The following HTR2B variants were observed in gnomAD, a reference collection of about 807,000 sequenced individuals.
The protein encoded by HTR2B is 5-HT 2B receptor.
A neutral mutation model predicts 39.8 loss-of-function variants in HTR2B; 31 were observed. That is an observed-to-expected ratio of 0.78 (90% CI 0.58 to 1.05). HTR2B has a LOEUF of 1.05. Ranked by LOEUF, HTR2B falls within the 50% of genes least tolerant of loss-of-function variation. The pLI is 0.00. For missense variants in HTR2B, 562 were observed against 578.0 expected (o/e 0.97, Z 0.28); for synonymous variants, 210 against 207.1 (o/e 1.01, Z -0.12).
At chr2:231,122,490 G>C (rs920255747) in intron 2 of HTR2B, among the ~76,000 whole-genome samples, 6 of 151,980 alleles carry the variant, frequency 3.9e-5, no homozygotes, top group Non-Finnish European at 8.8e-5. Flanking sequence ...TAATCATTTT[G>C]CTTAGGCAGT....
Position 231,108,884 on chromosome 2 carries a change from A to G in HTR2B, c.1079T>C (p.Met360Thr), listed in dbSNP as rs1358767554. The G allele has an allele frequency of 6.2e-7, 1 of 1,614,076 alleles. No individual in the cohort carries two copies. The highest frequency in any genetic ancestry group is 8.5e-7 in the Non-Finnish European group (1 of 1,179,954). The change falls in exon 4 of 4, where the codon ATG (methionine) becomes ACG (threonine). Residue 360 changes from methionine (M) to threonine (T), a missense_variant. Met to Thr is a moderately conservative substitution (Grantham distance 81). Transcript: ENST00000258400. ...CDSCNQTTLQ[M>T]LLEIFVWIGY... is the part of the protein sequence containing the mutation. ...TATCCACACAAATATCTCCAGGAGC[A>G]TTTGGAGAGTAGTTTGGTTACAGGA... is the stretch of plus-strand genomic sequence containing the variant.
At chr2:231,113,049 A>G (rs2125212763) in intron 3 of HTR2B, among the ~76,000 whole-genome samples, 1 of 152,228 alleles carries the variant, frequency 6.6e-6, no homozygotes, top group South Asian at 2.1e-4. Context: ...CTGTAGTCCC[A>G]GCTACCTGGG....
At chr2:231,109,672 G>C (rs1411525129) in intron 3 of HTR2B, among the ~76,000 whole-genome samples, 2 of 152,196 alleles carry the variant, frequency 1.3e-5, no homozygotes, top group African/African-American at 4.8e-5. Flanking sequence ...GTATATCCAT[G>C]ATACAGTGGA....
In HTR2B at chr2:231,113,933, A is replaced by G; in HGVS notation, c.353-4T>C. 1 of 1,612,654 alleles carries G rather than the reference A, an allele frequency of 6.2e-7. No homozygotes were observed. The highest frequency in any genetic ancestry group is 8.5e-7 in the Non-Finnish European group (1 of 1,178,714). ...AGTGGGAGGGGCCACATAGCCTCTG[A>G]AAGAAACAAAAACAAGACAAACATT... On this transcript the variant is annotated splice_polypyrimidine_tract_variant and splice_region_variant and intron_variant, in intron 2 of 3. Transcript: ENST00000258400.
At chr2:231,118,394 T>A (rs1054510382) in intron 2 of HTR2B, among the ~76,000 whole-genome samples, 2 of 152,176 alleles carry the variant, frequency 1.3e-5, no homozygotes, top group Non-Finnish European at 2.9e-5. Context: ...CTTAAAACTT[T>A]AAGCTGTACT....
intron 3 of HTR2B, 76 bp downstream of exon 3, chr2:231,113,653 C>G: frequency 7.7e-7 from 1 of 1,307,080 alleles, no homozygotes; most frequent in Non-Finnish European, 1.1e-6. Context: ...TCATTGCCTA[C>G]CAGACCTGGT....
intron 2 of HTR2B, among the ~76,000 whole-genome samples, chr2:231,116,180 A>G (rs568187539): frequency 1.3e-5 from 2 of 152,298 alleles, no homozygotes; most frequent in Non-Finnish European, 2.9e-5. Flanking sequence ...CCTTGGACAC[A>G]GGCAGCTTCA....
chr2:231,109,351 A>G lies in HTR2B; in HGVS notation c.612T>C (p.Asn204=), dbSNP rs1437017817. The G allele has an allele frequency of 2.5e-6, 4 of 1,614,096 alleles. No individual in the cohort carries two copies. Among genetic ancestry groups the G allele is most frequent in the South Asian group, 1.1e-5 (1 of 91,056 alleles). The change falls in exon 4 of 4, where the codon AAT becomes AAC. Residue 204 remains asparagine, a synonymous_variant. Transcript: ENST00000258400. ...GIETDVDNPN[N]ITCVLTKERF... is the part of the protein sequence containing the mutation. ...GTTCCTTTGTCAGCACACAAGTGAT[A>G]TTGTTTGGGTTGTCCACATCAGTCT...
At chr2:231,124,949 A>C (rs934245249) in intron 1 of HTR2B, 23 bp downstream of exon 1, 46 of 151,966 alleles carry the variant, frequency 3.0e-4, no homozygotes, top group African/African-American at 1.0e-3. Flanking sequence ...GATTAATTCC[A>C]TATGTGTTTA....
intron 2 of HTR2B, among the ~76,000 whole-genome samples, chr2:231,120,540 A>G (rs1396018166): frequency 6.6e-6 from 1 of 152,214 alleles, no homozygotes; most frequent in Non-Finnish European, 1.5e-5. Flanking sequence ...CATTTGAAAG[A>G]CAATGTTGTG....
intron 2 of HTR2B, among the ~76,000 whole-genome samples, chr2:231,114,805 A>G (rs1695275642): frequency 6.6e-6 from 1 of 152,210 alleles, no homozygotes; most frequent in Admixed American, 6.5e-5. Context: ...GTTCATACAT[A>G]TGTGAATTTA....
chr2:231,109,347 T>G lies in HTR2B; in HGVS notation c.616A>C (p.Thr206Pro), dbSNP rs1695079427. The change falls in exon 4 of 4, where the codon ACT becomes CCT. Residue 206 changes from threonine to proline, a missense_variant. Coordinates refer to ENST00000258400, the MANE Select transcript of HTR2B (RefSeq NM_000867.5). ...ETDVDNPNNI[T>P]CVLTKERFGD... ...AAACGTTCCTTTGTCAGCACACAAG[T>G]GATATTGTTTGGGTTGTCCACATCA... 2 of 1,614,016 alleles carry G rather than the reference T, an allele frequency of 1.2e-6. No homozygotes were observed. Among genetic ancestry groups the G allele is most frequent in the Non-Finnish European group, 1.7e-6 (2 of 1,179,948 alleles).
At chr2:231,121,982 A>AGT (rs768260107) in intron 2 of HTR2B, among the ~76,000 whole-genome samples, 25,131 of 152,056 alleles carry the variant, frequency 0.17, 2,206 homozygotes, top group Non-Finnish European at 0.17. Flanking sequence ...AGTATTTATC[A>AGT]AATATGCATA....
At chr2:231,116,210 G>A (rs1353569489) in intron 2 of HTR2B, among the ~76,000 whole-genome samples, 1 of 152,140 alleles carries the variant, frequency 6.6e-6, no homozygotes, top group African/African-American at 2.4e-5. Context: ...AACAGTCTAA[G>A]TATAGTGAAA....
chr2:231,113,963 T>A, intron 2 of HTR2B, 34 bp from the exon 3 acceptor site: 2 of 1,561,042 alleles, frequency 1.3e-6, no homozygotes, highest in Non-Finnish European at 1.8e-6. Flanking sequence ...AACATTTTAT[T>A]CTATAAAATG....
At chr2:231,121,541 A>C (rs547314331) in intron 2 of HTR2B, among the ~76,000 whole-genome samples, 38 of 152,304 alleles carry the variant, frequency 2.5e-4, no homozygotes, top group Admixed American at 1.1e-3. Flanking sequence ...GGGTACCAGC[A>C]TTTTAAATAT....
chr2:231,123,638 T>C lies in HTR2B; in HGVS notation c.127A>G (p.Met43Val), dbSNP rs75246355. Residue 43 changes from methionine (M) to valine (V), a missense_variant, in exon 2 of 4, where the codon ATG becomes GTG. Met to Val is a conservative substitution (Grantham distance 21). Transcript: ENST00000258400. ...GLQTESIPEEMKQIVEEQGNK... is the reference protein window; with the variant it reads ...GLQTESIPEEVKQIVEEQGNK... Reference sequence around the variant, plus strand: ...CCCTGTTCCTCAACAATCTGTTTCATTTCCTCTGGTATTGATTCTGTCTGT... The same window carrying C: ...CCCTGTTCCTCAACAATCTGTTTCACTTCCTCTGGTATTGATTCTGTCTGT... The C allele has an allele frequency of 3.5e-5, 56 of 1,614,106 alleles. No individual in the cohort carries two copies. The African/African-American group carries it at 7.1e-4, about 20-fold the overall frequency.
chr2:231,112,041 C>T (rs937807521), intron 3 of HTR2B, among the ~76,000 whole-genome samples: 2 of 152,074 alleles, frequency 1.3e-5, no homozygotes, highest in African/African-American at 4.8e-5. Context: ...AGGCTGCTTA[C>T]CTTATTAGCT....
chr2:231,122,783 T>A (rs1216849722), intron 2 of HTR2B, among the ~76,000 whole-genome samples: 1 of 152,144 alleles, frequency 6.6e-6, no homozygotes, highest in Non-Finnish European at 1.5e-5. Flanking sequence ...CAGATGCCCA[T>A]ATATCATAAA....
Sources: gnomAD v4.1 joint callset for allele counts (sites outside exome capture counted in the v4.1 genomes callset) on GRCh38, gnomAD v4.1.1 for gene constraint, MANE v1.5 for transcripts, NCBI Gene and HGNC (gene_info 2026-07-23, HGNC 2026-07-21) for gene names.